CTNNA3: variants seen among roughly 807,000 people sequenced by gnomAD.
CTNNA3 encodes the protein catenin alpha-3.
Under a neutral mutation model 95.7 loss-of-function variants are expected in CTNNA3, and 76 were observed. That is an observed-to-expected ratio of 0.79 (90% CI 0.66 to 0.96). The LOEUF is 0.96. CTNNA3 is among the 40% of genes least tolerant of loss of function. CTNNA3 has a pLI of 0.00. For missense variants in CTNNA3, 1,191 were observed against 1,089.8 expected (o/e 1.09, Z -1.31); for synonymous variants, 431 against 374.4 (o/e 1.15, Z -1.74).
chr10:67,722,885 C>A (rs1268985517), intron 1 of CTNNA3, among the ~76,000 whole-genome samples: 2 of 151,860 alleles, frequency 1.3e-5, no homozygotes, highest in East Asian at 3.9e-4. Context: ...GATTAAAATC[C>A]CTTCTATGGA....
At chr10:67,225,023 G>A (rs1207281981) in intron 5 of CTNNA3, among the ~76,000 whole-genome samples, 1 of 152,162 alleles carries the variant, frequency 6.6e-6, no homozygotes, top group Non-Finnish European at 1.5e-5. Context: ...ACAGACTTGG[G>A]GCTGTTTGGG....
At chr10:67,649,109 A>C (rs981069371) in intron 1 of CTNNA3, among the ~76,000 whole-genome samples, 1 of 152,176 alleles carries the variant, frequency 6.6e-6, no homozygotes, top group African/African-American at 2.4e-5. Context: ...AAAAGAATTT[A>C]TTTGTTACTC....
intron 13 of CTNNA3, among the ~76,000 whole-genome samples, chr10:66,192,941 G>A (rs1471750252): frequency 2.0e-5 from 3 of 152,110 alleles, no homozygotes; most frequent in Non-Finnish European, 4.4e-5. Context: ...ATATGTTTAT[G>A]TCACCTATTT....
At chr10:66,510,126 T>C (rs182542271) in intron 11 of CTNNA3, among the ~76,000 whole-genome samples, 244 of 152,078 alleles carry the variant, frequency 1.6e-3, no homozygotes, top group Non-Finnish European at 2.2e-3. Context: ...TGGTTAAATT[T>C]ATTTCTAAGT....
At chr10:67,727,051 G>A (rs867354946) in intron 1 of CTNNA3, among the ~76,000 whole-genome samples, 1 of 102,824 alleles carries the variant, frequency 9.7e-6, no homozygotes, top group African/African-American at 4.6e-5. Flanking sequence ...ATACATATAT[G>A]ATATAATTAT....
intron 1 of CTNNA3, among the ~76,000 whole-genome samples, chr10:67,747,747 G>GGC (rs1841381386): frequency 6.6e-6 from 1 of 152,298 alleles, no homozygotes; most frequent in African/African-American, 2.4e-5. Context: ...GACAGAACTG[G>GGC]GCAGAGGCTG....
chr10:66,038,930 G>A (rs575260173), intron 15 of CTNNA3, among the ~76,000 whole-genome samples: 60 of 152,202 alleles, frequency 3.9e-4, no homozygotes, highest in Middle Eastern at 3.4e-3. Flanking sequence ...AAGGGCATCC[G>A]AATAGAAAGA....
At chr10:65,992,853 A>T (rs2078572807) in intron 15 of CTNNA3, among the ~76,000 whole-genome samples, 1 of 152,012 alleles carries the variant, frequency 6.6e-6, no homozygotes, top group African/African-American at 2.4e-5. Flanking sequence ...AAAACTTTCT[A>T]GTTTTTTATA....
chr10:66,616,705 A>C (rs1413229839), intron 10 of CTNNA3, among the ~76,000 whole-genome samples: 2 of 152,044 alleles, frequency 1.3e-5, no homozygotes, highest in African/African-American at 2.4e-5. Context: ...AATTGTACTT[A>C]ACAAATAGAA....
At chr10:66,440,009 C>A (rs1020232353) in intron 11 of CTNNA3, among the ~76,000 whole-genome samples, 1 of 152,062 alleles carries the variant, frequency 6.6e-6, no homozygotes, top group African/African-American at 2.4e-5. Flanking sequence ...CCTTTATAAC[C>A]TCAGGCAAGC....
chr10:67,061,888 A>T (rs1855775382), intron 7 of CTNNA3, among the ~76,000 whole-genome samples: 1 of 152,210 alleles, frequency 6.6e-6, no homozygotes, highest in Non-Finnish European at 1.5e-5. Context: ...TTCTAGATTC[A>T]TGCAGAGTTT....
chr10:67,417,599 T>G (rs1845589492), intron 5 of CTNNA3, among the ~76,000 whole-genome samples: 2 of 152,196 alleles, frequency 1.3e-5, no homozygotes, highest in South Asian at 4.1e-4. Flanking sequence ...GAAATAACTC[T>G]AAGACAAAAG....
intron 4 of CTNNA3, among the ~76,000 whole-genome samples, chr10:67,537,339 T>C (rs1446884372): frequency 6.6e-6 from 1 of 152,180 alleles, no homozygotes; most frequent in Non-Finnish European, 1.5e-5. Flanking sequence ...TCAATGTGCC[T>C]CAGCTTTCTC....
At chr10:66,922,863 A>G (rs555219202) in intron 7 of CTNNA3, among the ~76,000 whole-genome samples, 63 of 152,254 alleles carry the variant, frequency 4.1e-4, no homozygotes, top group Middle Eastern at 3.4e-3. Context: ...TATGGGGTAC[A>G]TGAGATGTTT....
chr10:66,446,154 A>T (rs866639742), intron 11 of CTNNA3, among the ~76,000 whole-genome samples: 1 of 152,202 alleles, frequency 6.6e-6, no homozygotes, highest in Non-Finnish European at 1.5e-5. Context: ...TAGACTAATA[A>T]CAGGCTCTGA....
At chr10:66,369,141 C>T (rs1236284851) in intron 12 of CTNNA3, among the ~76,000 whole-genome samples, 2 of 152,108 alleles carry the variant, frequency 1.3e-5, no homozygotes, top group Non-Finnish European at 2.9e-5. Flanking sequence ...GAAATCTCTT[C>T]CCAGGTCCTT....
chr10:66,877,000 A>G (rs924078487), intron 7 of CTNNA3, among the ~76,000 whole-genome samples: 3 of 152,084 alleles, frequency 2.0e-5, no homozygotes, highest in African/African-American at 7.2e-5. Flanking sequence ...ATAATTCAAA[A>G]AGCAGTATTG....
At chr10:66,478,540 A>G (rs1276304349) in intron 11 of CTNNA3, among the ~76,000 whole-genome samples, 3 of 152,022 alleles carry the variant, frequency 2.0e-5, no homozygotes, top group East Asian at 1.9e-4. Context: ...AACAAATTTC[A>G]CTGTATGAAA....
intron 5 of CTNNA3, among the ~76,000 whole-genome samples, chr10:67,520,818 T>G (rs188150285): frequency 4.7e-4 from 71 of 152,322 alleles, no homozygotes; most frequent in Middle Eastern, 3.4e-3. Context: ...GACCATATCA[T>G]GTTGACTTAA....
Sources: gnomAD v4.1 joint callset for allele counts (sites outside exome capture counted in the v4.1 genomes callset) on GRCh38, gnomAD v4.1.1 for gene constraint, MANE v1.5 for transcripts, NCBI Gene and HGNC (gene_info 2026-07-23, HGNC 2026-07-21) for gene names.